NRXN3: variants seen among roughly 807,000 people sequenced by gnomAD.
NRXN3 encodes the protein neurexin 3.
NRXN3 carries 32 observed loss-of-function variants against 137.6 expected under a neutral mutation model. The observed-to-expected ratio is 0.23, with a 90% confidence interval of 0.18 to 0.31. The LOEUF (loss-of-function observed/expected upper bound fraction) is 0.31, where lower values mean the gene tolerates loss of function less well. Among genes scored for constraint, NRXN3 ranks in the 10% least tolerant of loss-of-function variants. The pLI is 1.00. For missense variants in NRXN3, 1,574 were observed against 2,062.5 expected, an observed-to-expected ratio of 0.76 and a Z score of 4.59; for synonymous variants, 798 against 784.5, an observed-to-expected ratio of 1.02 and a Z score of -0.29.
At chr14:79,024,204 A>G (rs1342116121) in intron 15 of NRXN3, among the ~76,000 whole-genome samples, 2 of 152,082 alleles carry the variant, frequency 1.3e-5, no homozygotes, top group Non-Finnish European at 2.9e-5. Context: ...GGTGGCTACC[A>G]TTTGCCACTG....
At chr14:79,072,885 T>TC (rs1555716674) in intron 15 of NRXN3, among the ~76,000 whole-genome samples, 2 of 93,122 alleles carry the variant, frequency 2.1e-5, no homozygotes, top group Non-Finnish European at 5.8e-5. Flanking sequence ...TCTCTCTCTC[T>TC]CTTTTTTTTT....
In NRXN3 at chr14:79,133,994, G is replaced by A. The variant is rs560108825; in HGVS notation, c.3262+145853G>A. On this transcript the variant is annotated intron_variant, in intron 15 of 20. Coordinates refer to ENST00000335750, the MANE Select transcript of NRXN3 (RefSeq NM_001330195.2). ...TGAACAAATACGTTATTTACTGAAG[G>A]AGTAAATATGTGTGACAACCAGTGG... Among the ~76,000 whole-genome samples, 3 of 151,812 alleles carry A rather than the reference G, an allele frequency of 2.0e-5. No homozygotes were observed. The South Asian group carries it at 6.3e-4, about 32-fold the overall frequency.
chr14:79,489,086 TCATTA>T (rs1459605420), intron 16 of NRXN3, among the ~76,000 whole-genome samples: 1 of 152,224 alleles, frequency 6.6e-6, no homozygotes, highest in Non-Finnish European at 1.5e-5. Context: ...TAGTAGCCTG[TCATTA>T]TTTTGGAAAA....
chr14:79,610,953 G>C (rs1014276818), intron 16 of NRXN3, among the ~76,000 whole-genome samples: 2 of 152,142 alleles, frequency 1.3e-5, no homozygotes, highest in Admixed American at 6.5e-5. Context: ...ACTTGCCAGG[G>C]GGATGTGATG....
intron 15 of NRXN3, among the ~76,000 whole-genome samples, chr14:79,434,168 C>T (rs1362788747): frequency 2.0e-5 from 3 of 152,134 alleles, no homozygotes; most frequent in Non-Finnish European, 4.4e-5. Flanking sequence ...GAAGCAATAA[C>T]ATTTTTCTGA....
intron 4 of NRXN3, among the ~76,000 whole-genome samples, chr14:78,565,783 T>C (rs1185428694): frequency 6.7e-6 from 1 of 149,466 alleles, no homozygotes; most frequent in Non-Finnish European, 1.5e-5. Flanking sequence ...CCTCTGTACA[T>C]TACAGAAGAC....
At position 78,425,072 on chromosome 14, in the gene NRXN3, G is replaced by A. The variant is rs532902139; in HGVS notation, c.757+127212G>A. Among the ~76,000 whole-genome samples, 6 of 152,280 alleles carry A rather than the reference G, an allele frequency of 3.9e-5. No homozygotes were observed. The East Asian group carries it at 1.2e-3, about 29-fold the overall frequency. On this transcript the variant is annotated intron_variant, in intron 4 of 20. Coordinates refer to ENST00000335750, the MANE Select transcript of NRXN3 (RefSeq NM_001330195.2). ...GAACTACAGCCTCAGAAGTTTATAA[G>A]GAGTTTCATCTTGATAATTTGGTGG...
In NRXN3 at chr14:78,581,786, T is replaced by C. The variant is rs908800087; in HGVS notation, c.758-63334T>C. Among the ~76,000 whole-genome samples the C allele has an allele frequency of 2.6e-5, 4 of 152,136 alleles. No homozygotes were observed. In the East Asian group the frequency reaches 7.7e-4, roughly 29 times the overall value. On this transcript the variant is annotated intron_variant, in intron 4 of 20. Coordinates refer to ENST00000335750, the MANE Select transcript of NRXN3 (RefSeq NM_001330195.2). ...AGTTGGCTAGATCCTGGACCCCATATAATAGCTTACTGGTTACTATACAGC... is the reference window on the plus strand; with the variant it reads ...AGTTGGCTAGATCCTGGACCCCATACAATAGCTTACTGGTTACTATACAGC...
intron 15 of NRXN3, among the ~76,000 whole-genome samples, chr14:79,058,214 A>G (rs2099668543): frequency 6.6e-6 from 1 of 152,116 alleles, no homozygotes; most frequent in Admixed American, 6.5e-5. Flanking sequence ...GCTGAGGTTC[A>G]AACTGAGGTT....
chr14:79,176,593 T>C (rs537984515), intron 15 of NRXN3, among the ~76,000 whole-genome samples: 5 of 152,352 alleles, frequency 3.3e-5, no homozygotes, highest in Admixed American at 3.3e-4. Flanking sequence ...GTTTCCTGAA[T>C]ATGCTGTGCT....
intron 15 of NRXN3, among the ~76,000 whole-genome samples, chr14:79,462,531 A>G (rs2096360155): frequency 6.7e-6 from 1 of 150,348 alleles, no homozygotes. Context: ...ATATATATAT[A>G]AAAAAATACA....
intron 19 of NRXN3, among the ~76,000 whole-genome samples, chr14:79,754,923 A>G (rs771305758): frequency 2.0e-5 from 3 of 152,090 alleles, no homozygotes; most frequent in Non-Finnish European, 2.9e-5. Context: ...TGCCATGCGA[A>G]GAAGGTCTTT....
chr14:78,599,639 A>G (rs2097186654), intron 4 of NRXN3, among the ~76,000 whole-genome samples: 1 of 152,194 alleles, frequency 6.6e-6, no homozygotes, highest in Admixed American at 6.5e-5. Flanking sequence ...TTCAGTAGTC[A>G]TTCACCCAGT....
At chr14:78,985,776 C>T (rs2153060073) in intron 14 of NRXN3, among the ~76,000 whole-genome samples, 1 of 152,304 alleles carries the variant, frequency 6.6e-6, no homozygotes, top group Middle Eastern at 3.4e-3. Context: ...CTGTGGACTT[C>T]TCAGAAGCTT....
chr14:78,761,598 G>A (rs2098692587), intron 8 of NRXN3, among the ~76,000 whole-genome samples: 1 of 152,106 alleles, frequency 6.6e-6, no homozygotes, highest in Admixed American at 6.6e-5. Flanking sequence ...TTACTTGATT[G>A]TATTTTCCCA....
chr14:78,225,124 A>G lies in NRXN3; in HGVS notation c.-703-17267A>G, dbSNP rs375422527. Among the ~76,000 whole-genome samples the G allele has an allele frequency of 1.7e-4, 26 of 152,308 alleles. No individual in the cohort carries two copies. In the East Asian group the frequency reaches 4.2e-3, roughly 25 times the overall value. On this transcript the variant is annotated intron_variant, in intron 1 of 20. Coordinates refer to ENST00000335750, the MANE Select transcript of NRXN3 (RefSeq NM_001330195.2). The stretch of plus-strand genomic sequence containing the variant: ...TTTTGGGTATATACCCAGTAATGGG[A>G]TGGCTTGGTCAAATGGTATTTCTAG...
intron 15 of NRXN3, among the ~76,000 whole-genome samples, chr14:79,189,017 C>T (rs1441195040): frequency 1.3e-5 from 2 of 152,002 alleles, no homozygotes; most frequent in Non-Finnish European, 2.9e-5. Context: ...TACCATTTGA[C>T]CCAGCCATCC....
intron 16 of NRXN3, among the ~76,000 whole-genome samples, chr14:79,545,075 A>AT (rs1958060833): frequency 6.6e-6 from 1 of 152,068 alleles, no homozygotes; most frequent in African/African-American, 2.4e-5. Context: ...TTTTTTGGTC[A>AT]TTTTTTCTTT....
chr14:78,298,491 C>T (rs1318726558), intron 4 of NRXN3, among the ~76,000 whole-genome samples: 1 of 152,238 alleles, frequency 6.6e-6, no homozygotes, highest in Non-Finnish European at 1.5e-5. Context: ...AATTCAGCAT[C>T]TGCAACCTAA....
Sources: allele counts gnomAD v4.1 joint callset (sites outside exome capture counted in the v4.1 genomes callset), GRCh38; gene constraint gnomAD v4.1.1; transcripts MANE v1.5; gene names NCBI Gene and HGNC (gene_info 2026-07-23, HGNC 2026-07-21).